CHSY3: variants seen among roughly 807,000 people sequenced by gnomAD.
CHSY3 encodes the protein N-acetylgalactosaminyl-proteoglycan 3-beta-glucuronosyltransferase 3.
A neutral mutation model predicts 67.2 loss-of-function variants in CHSY3; 35 were observed. That is an observed-to-expected ratio of 0.52 (90% confidence interval 0.40 to 0.69). The LOEUF is 0.69. Ranked by LOEUF, CHSY3 falls within the 30% of genes least tolerant of loss-of-function variation. The pLI is 0.00. For missense variants in CHSY3, 1,069 were observed against 1,138.5 expected, an observed-to-expected ratio of 0.94 and a Z score of 0.88; for synonymous variants, 474 against 434.7, an observed-to-expected ratio of 1.09 and a Z score of -1.12.
intron 2 of CHSY3, among the ~76,000 whole-genome samples, chr5:130,112,902 C>T (rs921207242): frequency 2.2e-4 from 33 of 152,182 alleles, no homozygotes; most frequent in South Asian, 4.1e-4. Context: ...ATTTTCACTC[C>T]GTTTCCCTTT....
chr5:130,017,086 G>A (rs1163312556), intron 2 of CHSY3, among the ~76,000 whole-genome samples: 1 of 152,164 alleles, frequency 6.6e-6, no homozygotes, highest in Admixed American at 6.5e-5. Flanking sequence ...GAAAGACACT[G>A]ATACAAGACT....
At chr5:130,118,626 G>A (rs1580750486) in intron 2 of CHSY3, among the ~76,000 whole-genome samples, 1 of 152,136 alleles carries the variant, frequency 6.6e-6, no homozygotes, top group Middle Eastern at 3.4e-3. Context: ...CTGCTGTCAA[G>A]TATGATACTT....
rs61193816 is a variant in CHSY3, at chr5:130,088,503, T to C, written c.1087-95726T>C. Among the ~76,000 whole-genome samples the C allele has an allele frequency of 1.9e-3, 290 of 152,156 alleles. 2 individuals carry two copies. The highest frequency in any genetic ancestry group is 6.7e-3 in the African/African-American group (278 of 41,468). On this transcript the variant is annotated intron_variant, in intron 2 of 2. Coordinates refer to ENST00000305031, the MANE Select transcript of CHSY3 (RefSeq NM_175856.5). Reference sequence around the variant, plus strand: ...TGACAAAGGGCTAATATCCAGAATCTACAATGAACTCCAACAGATTTACAA... The same window carrying C: ...TGACAAAGGGCTAATATCCAGAATCCACAATGAACTCCAACAGATTTACAA...
At chr5:129,916,217 C>T (rs1026841582) in intron 2 of CHSY3, among the ~76,000 whole-genome samples, 1 of 152,166 alleles carries the variant, frequency 6.6e-6, no homozygotes, top group African/African-American at 2.4e-5. Context: ...TATGCATATT[C>T]TCTGGTGAGA....
At chr5:129,972,591 C>G (rs77381214) in intron 2 of CHSY3, among the ~76,000 whole-genome samples, 2 of 151,506 alleles carry the variant, frequency 1.3e-5, no homozygotes, top group Non-Finnish European at 2.9e-5. Context: ...AGCTACTGGC[C>G]TGATCTCTGC....
rs147553915 is a variant in CHSY3, at chr5:129,989,950, A to G, written c.1086+81590A>G. ...ATAGGTAATCCATGAATGAATTAAT[A>G]TGGCTCTGTTCCAGTAAAACTTTAT... On this transcript the variant is annotated intron_variant, in intron 2 of 2. Coordinates refer to ENST00000305031, the MANE Select transcript of CHSY3 (RefSeq NM_175856.5). Among the ~76,000 whole-genome samples, 579 of 152,302 alleles carry G rather than the reference A, an allele frequency of 3.8e-3. 7 individuals are homozygous for G. The highest frequency in any genetic ancestry group is 0.013 in the African/African-American group (544 of 41,576).
intron 2 of CHSY3, among the ~76,000 whole-genome samples, chr5:130,056,453 T>C (rs1374156797): frequency 2.6e-5 from 4 of 152,200 alleles, no homozygotes; most frequent in Non-Finnish European, 4.4e-5. Context: ...CTGTTAAATA[T>C]AGTCGTGATT....
chr5:129,988,212 C>T (rs550063699), intron 2 of CHSY3, among the ~76,000 whole-genome samples: 34 of 152,276 alleles, frequency 2.2e-4, no homozygotes, highest in African/African-American at 7.9e-4. Flanking sequence ...AGTAATGGCA[C>T]CAGAGCCATT....
At chr5:129,972,970 G>C (rs897451338) in intron 2 of CHSY3, among the ~76,000 whole-genome samples, 1 of 151,932 alleles carries the variant, frequency 6.6e-6, no homozygotes, top group African/African-American at 2.4e-5. Flanking sequence ...ATAGAGTCTT[G>C]TGATGAGTCA....
chr5:130,082,060 A>G (rs1766463714), intron 2 of CHSY3, among the ~76,000 whole-genome samples: 1 of 152,074 alleles, frequency 6.6e-6, no homozygotes, highest in African/African-American at 2.4e-5. Flanking sequence ...TCCTGGAAAT[A>G]TCCACAGACT....
chr5:129,953,596 A>G (rs1368468301), intron 2 of CHSY3, among the ~76,000 whole-genome samples: 1 of 152,112 alleles, frequency 6.6e-6, no homozygotes. Context: ...ACTCCCACCA[A>G]CAGTGTAAAA....
chr5:130,117,760 C>G (rs78227078), intron 2 of CHSY3, among the ~76,000 whole-genome samples: 1 of 152,168 alleles, frequency 6.6e-6, no homozygotes, highest in East Asian at 1.9e-4. Flanking sequence ...CATCATAAAT[C>G]TGTTAAATAT....
At chr5:130,106,617 G>C (rs1767421584) in intron 2 of CHSY3, among the ~76,000 whole-genome samples, 1 of 151,574 alleles carries the variant, frequency 6.6e-6, no homozygotes. Flanking sequence ...TACTGTTGGT[G>C]GGAAGGCATT....
intron 2 of CHSY3, among the ~76,000 whole-genome samples, chr5:130,128,253 T>TGTGC (rs760472284): frequency 8.0e-5 from 12 of 150,910 alleles, no homozygotes; most frequent in South Asian, 4.2e-4. Flanking sequence ...TGTGTGTGTG[T>TGTGC]GCGCTCACAT....
chr5:130,095,073 C>G (rs2149695103), intron 2 of CHSY3, among the ~76,000 whole-genome samples: 1 of 151,826 alleles, frequency 6.6e-6, no homozygotes, highest in Admixed American at 6.6e-5. Flanking sequence ...ATTGTATATA[C>G]TATAATTATA....
At chr5:130,115,592 A>C (rs1767766463) in intron 2 of CHSY3, among the ~76,000 whole-genome samples, 2 of 152,134 alleles carry the variant, frequency 1.3e-5, no homozygotes, top group Non-Finnish European at 2.9e-5. Context: ...CAAACGATTC[A>C]GCCATTCTCT....
At chr5:130,034,674 C>T (rs984196728) in intron 2 of CHSY3, among the ~76,000 whole-genome samples, 4 of 152,080 alleles carry the variant, frequency 2.6e-5, no homozygotes, top group Non-Finnish European at 5.9e-5. Flanking sequence ...ATTTAACATA[C>T]CTCATGGTGA....
rs187047726 is a variant in CHSY3 at position 129,983,080 on chromosome 5, A to G, written c.1086+74720A>G. ...GTGAAGCATAATACTTGTTTCAAAC[A>G]AAAATTGAGTTTCTTAGTTATACTT... On this transcript the variant is annotated intron_variant, in intron 2 of 2. Transcript: ENST00000305031. Among the ~76,000 whole-genome samples, 412 of 152,252 alleles carry G rather than the reference A, an allele frequency of 2.7e-3. 2 individuals are homozygous for G. The highest frequency in any genetic ancestry group is 9.5e-3 in the African/African-American group (393 of 41,582).
At chr5:130,083,812 G>C (rs1283744947) in intron 2 of CHSY3, among the ~76,000 whole-genome samples, 1 of 151,500 alleles carries the variant, frequency 6.6e-6, no homozygotes, top group Non-Finnish European at 1.5e-5. Context: ...TTTTTTTTCT[G>C]TATGGAAATA....
Sources: gnomAD v4.1 joint callset for allele counts (sites outside exome capture counted in the v4.1 genomes callset) on GRCh38, gnomAD v4.1.1 for gene constraint, MANE v1.5 for transcripts, NCBI Gene and HGNC (gene_info 2026-07-23, HGNC 2026-07-21) for gene names.